NELL2: variants seen among roughly 807,000 people sequenced by gnomAD.
NELL2 encodes the protein neural EGFL like 2, also known as protein kinase C-binding protein NELL2.
In NELL2, 41 loss-of-function variants were observed where a neutral mutation model predicts 109.6. The ratio of observed to expected loss-of-function variants is 0.37; its 90% confidence interval spans 0.29 to 0.49. NELL2 has a LOEUF of 0.49. NELL2 is among the 20% of genes least tolerant of loss of function. The probability of loss-of-function intolerance (pLI) is 0.98; values close to 1 mark genes in which losing one functional copy is unlikely to be tolerated. For missense variants in NELL2, 900 were observed against 1,008.3 expected (o/e 0.89, Z 1.45); for synonymous variants, 355 against 344.7 (o/e 1.03, Z -0.33).
chr12:44,888,495 A>T (rs973864361), intron 1 of NELL2, among the ~76,000 whole-genome samples: 1 of 151,796 alleles, frequency 6.6e-6, no homozygotes, highest in Non-Finnish European at 1.5e-5. Flanking sequence ...GACATAACAA[A>T]TTAGACAACA....
At chr12:44,606,153 G>A (rs970498187) in intron 15 of NELL2, among the ~76,000 whole-genome samples, 6 of 152,082 alleles carry the variant, frequency 3.9e-5, no homozygotes, top group African/African-American at 1.4e-4. Flanking sequence ...TATAGAAAGA[G>A]ATGATCTAGT....
intron 13 of NELL2, among the ~76,000 whole-genome samples, chr12:44,619,653 G>C (rs1592218264): frequency 6.6e-6 from 1 of 152,024 alleles, no homozygotes; most frequent in South Asian, 2.1e-4. Flanking sequence ...GGAGAAGGAG[G>C]AGGAGGAGGA....
chr12:44,708,414 A>G (rs1191492168), intron 11 of NELL2, among the ~76,000 whole-genome samples: 1 of 152,190 alleles, frequency 6.6e-6, no homozygotes, highest in Non-Finnish European at 1.5e-5. Context: ...CTCTGCTCTC[A>G]GGGAATATTT....
At chr12:44,568,473 C>T (rs559124761) in intron 15 of NELL2, among the ~76,000 whole-genome samples, 70 of 152,180 alleles carry the variant, frequency 4.6e-4, no homozygotes, top group Non-Finnish European at 6.8e-4. Context: ...TTGAATTTGA[C>T]TCATCTAGAG....
intron 1 of NELL2, among the ~76,000 whole-genome samples, chr12:44,882,366 T>C (rs942798979): frequency 1.3e-5 from 2 of 151,574 alleles, no homozygotes; most frequent in Admixed American, 6.6e-5. Context: ...TATGTATATA[T>C]GTTGAAAATA....
At chr12:44,668,238 C>A (rs548653356) in intron 12 of NELL2, among the ~76,000 whole-genome samples, 44 of 152,232 alleles carry the variant, frequency 2.9e-4, no homozygotes, top group Admixed American at 1.2e-3. Context: ...GAGGAAGCAA[C>A]CCCTGGGACA....
chr12:44,587,917 C>G (rs909417316), intron 15 of NELL2, among the ~76,000 whole-genome samples: 1 of 152,004 alleles, frequency 6.6e-6, no homozygotes, highest in African/African-American at 2.4e-5. Context: ...TTTGGGAGGC[C>G]AAGGCGGGCG....
At chr12:44,670,775 C>A (rs1948112874) in intron 12 of NELL2, among the ~76,000 whole-genome samples, 1 of 151,742 alleles carries the variant, frequency 6.6e-6, no homozygotes, top group Non-Finnish European at 1.5e-5. Context: ...GTATACGCAC[C>A]TAACACAAGA....
chr12:44,803,688 C>T (rs1942907895), intron 3 of NELL2, among the ~76,000 whole-genome samples: 1 of 151,806 alleles, frequency 6.6e-6, no homozygotes, highest in African/African-American at 2.4e-5. Flanking sequence ...AAGTTGATAT[C>T]CTTATTATAT....
intron 3 of NELL2, among the ~76,000 whole-genome samples, chr12:44,798,410 C>CAAATAGA (rs1190943061): frequency 6.6e-6 from 1 of 151,702 alleles, no homozygotes; most frequent in Non-Finnish European, 1.5e-5. Flanking sequence ...GTATTACTAA[C>CAAATAGA]AAATAGAAAA....
In NELL2 at chr12:44,781,426, C is replaced by T. The variant is rs577816865; in HGVS notation, c.336-1404G>A. 1.3e-4 allele frequency among the ~76,000 whole-genome samples: 20 copies of T among 152,048 alleles called. No individual in the cohort carries two copies. In the South Asian group the frequency reaches 3.7e-3, roughly 29 times the overall value. On this transcript the variant is annotated intron_variant, in intron 3 of 19. Transcript: ENST00000429094. ...AACAAAAGATCTAACATTTGTATCA[C>T]TAGCATCCGAGAAAGAGAGGAGAAA...
intron 3 of NELL2, among the ~76,000 whole-genome samples, chr12:44,800,596 GAGTA>G (rs963657833): frequency 6.6e-6 from 1 of 152,188 alleles, no homozygotes. Flanking sequence ...CATCTGGAGT[GAGTA>G]AGTGACTCTC....
At chr12:44,706,203 A>C (rs1317760726) in intron 11 of NELL2, among the ~76,000 whole-genome samples, 1 of 152,200 alleles carries the variant, frequency 6.6e-6, no homozygotes, top group Non-Finnish European at 1.5e-5. Flanking sequence ...CAAATACTTG[A>C]AAAATTAAAA....
chr12:44,772,250 C>T (rs942378315), intron 9 of NELL2, among the ~76,000 whole-genome samples: 1 of 152,098 alleles, frequency 6.6e-6, no homozygotes, highest in Non-Finnish European at 1.5e-5. Flanking sequence ...AAGACTGTTT[C>T]TCCTCACATG....
At chr12:44,900,921 A>T (rs967982860) in intron 1 of NELL2, among the ~76,000 whole-genome samples, 1 of 152,024 alleles carries the variant, frequency 6.6e-6, no homozygotes, top group African/African-American at 2.4e-5. Flanking sequence ...CCCAGGAGAC[A>T]AAGGTTGCAG....
chr12:44,790,304 G>A (rs1942333027), intron 3 of NELL2, among the ~76,000 whole-genome samples: 1 of 152,096 alleles, frequency 6.6e-6, no homozygotes, highest in Admixed American at 6.5e-5. Context: ...AAGGTAGAAG[G>A]GATTGGGACC....
At chr12:44,595,301 G>A (rs1048135724) in intron 15 of NELL2, among the ~76,000 whole-genome samples, 3 of 152,250 alleles carry the variant, frequency 2.0e-5, no homozygotes, top group African/African-American at 4.8e-5. Context: ...AAAAACATCC[G>A]TGAGTGAAAA....
At chr12:44,806,123 C>G (rs1473357773) in intron 3 of NELL2, among the ~76,000 whole-genome samples, 1 of 150,490 alleles carries the variant, frequency 6.6e-6, no homozygotes, top group Non-Finnish European at 1.5e-5. Flanking sequence ...ATAAAAAAAC[C>G]ATAAAAACTT....
At chr12:44,579,241 T>TA (rs1944234570) in intron 15 of NELL2, among the ~76,000 whole-genome samples, 1 of 152,252 alleles carries the variant, frequency 6.6e-6, no homozygotes, top group African/African-American at 2.4e-5. Flanking sequence ...CATGTTTTTG[T>TA]AAAAAATCAG....
Sources: allele counts gnomAD v4.1 joint callset (sites outside exome capture counted in the v4.1 genomes callset), GRCh38; gene constraint gnomAD v4.1.1; transcripts MANE v1.5; gene names NCBI Gene and HGNC (gene_info 2026-07-23, HGNC 2026-07-21).